PPRC1: variants seen among roughly 807,000 people sequenced by gnomAD.
PPRC1 encodes peroxisome proliferator-activated receptor gamma coactivator-related protein 1.
A neutral mutation model predicts 132.5 loss-of-function variants in PPRC1; 23 were observed. The ratio of observed to expected loss-of-function variants is 0.17; its 90% CI spans 0.12 to 0.25. The LOEUF is 0.25. Among genes scored for constraint, PPRC1 ranks in the 10% least tolerant of loss-of-function variants. The pLI, the probability that PPRC1 is intolerant of heterozygous loss-of-function variation, is 1.00. For synonymous variants in PPRC1, 872 were observed against 833.5 expected, an observed-to-expected ratio of 1.05 and a Z score of -0.80; for missense variants, 2,006 against 2,089.1, an observed-to-expected ratio of 0.96 and a Z score of 0.78.
the PPRC1 span, among the ~76,000 whole-genome samples, chr10:102,124,661 G>C: frequency 2.1e-5 from 1 of 47,324 alleles, no homozygotes; most frequent in Admixed American, 2.4e-4. Context: ...TTTTTTTTTT[G>C]AGACAGAATC....
Position 102,150,137 on chromosome 10 carries a change from T to C in PPRC1, c.*108T>C. 1 of 735,372 alleles carries C rather than the reference T, an allele frequency of 1.4e-6. No individual in the cohort carries two copies. The highest frequency in any genetic ancestry group is 2.6e-5 in the Admixed American group (1 of 37,990). The allele number at this position is 735,372 out of a possible 1,614,324, so 45.6% of individuals were successfully genotyped here. ...AGCTGCTAGTGAGATGACTGTTTTA[T>C]AAAGAAATGGAAAAAAGTGAAATAA... On this transcript the variant is annotated 3_prime_UTR_variant, in exon 14 of 14. Coordinates refer to ENST00000278070, the MANE Select transcript of PPRC1 (RefSeq NM_015062.5).
chr10:102,140,660 C>T lies in PPRC1; in HGVS notation c.2152C>T (p.Pro718Ser), dbSNP rs1462908393. The part of the protein sequence containing the change: ...QLLVESESLD[P>S]PKTIIPEVKE... ...CCTCGTGGAGTCAGAGTCCTTGGAC[C>T]CACCAAAGACCATCATCCCTGAAGT... Residue 718 changes from proline to serine, a missense_variant, in exon 5 of 14, where the codon CCA becomes TCA. This residue lies in a region of PPRC1 where 1,914 missense variants were observed against 1,917.2 expected (regional missense o/e 1.00). Coordinates refer to ENST00000278070, the MANE Select transcript of PPRC1 (RefSeq NM_015062.5). 4 of 1,614,062 alleles carry T rather than the reference C, an allele frequency of 2.5e-6. No individual in the cohort carries two copies. The highest frequency in any genetic ancestry group is 3.4e-6 in the Non-Finnish European group (4 of 1,180,038).
At chr10:102,144,480 T>C (rs1590349183) in intron 7 of PPRC1, 173 bp downstream of exon 7, 1 of 649,414 alleles carries the variant, frequency 1.5e-6, no homozygotes. Context: ...GTGTCTTGGG[T>C]GGTGAGGTGA....
intron 1 of PPRC1, among the ~76,000 whole-genome samples, chr10:102,133,725 C>G (rs766342700): frequency 2.0e-5 from 3 of 151,728 alleles, no homozygotes; most frequent in African/African-American, 2.4e-5. Flanking sequence ...ACGTGGCTCC[C>G]GTCCCAGGCT....
rs778970799 is a variant in PPRC1 at position 102,139,442 on chromosome 10, A to G, written c.934A>G (p.Met312Val). Residue 312 changes from methionine (M) to valine (V), a missense_variant, in exon 5 of 14, where the codon ATG becomes GTG. Met to Val is a conservative substitution (Grantham distance 21). Transcript: ENST00000278070. ...CTCCCTGAGTGAGCTGGTGCGGGCC[A>G]TGCACCCATACTGCCTGCCCAACCT... ...ISSLSELVRA[M>V]HPYCLPNLTH... 4 of 1,614,120 alleles carry G rather than the reference A, an allele frequency of 2.5e-6. No individual in the cohort carries two copies. Among genetic ancestry groups the G allele is most frequent in the Non-Finnish European group, 3.4e-6 (4 of 1,179,986 alleles).
Position 102,150,097 on chromosome 10 carries a change from T to C in PPRC1, c.*68T>C. On this transcript the variant is annotated 3_prime_UTR_variant, in exon 14 of 14. Coordinates refer to ENST00000278070, the MANE Select transcript of PPRC1 (RefSeq NM_015062.5). The stretch of plus-strand genomic sequence containing the variant: ...CCCAACCTCCTCCACCCCCTTCCCC[T>C]ACTCTAGGGGAGAGAGCTGCTAGTG... The C allele has an allele frequency of 8.4e-7, 1 of 1,187,192 alleles. No individual in the cohort carries two copies. The highest frequency in any genetic ancestry group is 1.3e-6 in the Non-Finnish European group (1 of 794,000). The allele number at this position is 1,187,192 out of a possible 1,614,324, so 73.5% of individuals were successfully genotyped here.
At position 102,148,984 on chromosome 10, in the gene PPRC1, T is replaced by A. The variant is rs1318767495; in HGVS notation, c.4739+46T>A. The A allele has an allele frequency of 6.2e-7, 1 of 1,606,122 alleles. No homozygotes were observed. Among genetic ancestry groups the A allele is most frequent in the Non-Finnish European group, 8.5e-7 (1 of 1,176,432 alleles). On this transcript the variant is annotated intron_variant, in intron 12 of 13. Coordinates refer to ENST00000278070, the MANE Select transcript of PPRC1 (RefSeq NM_015062.5). The surrounding 1 kb of genome is among the most constrained non-coding windows in gnomAD (Gnocchi z 4.2). ...CAGGATGTTCTTTCTATCCCATTCA[T>A]CTACCTTGGTGTTTCTTTGTCTTGC...
upstream of PPRC1, among the ~76,000 whole-genome samples, chr10:102,132,296 AAATG>A (rs1184884797): frequency 6.6e-6 from 1 of 152,262 alleles, no homozygotes; most frequent in Non-Finnish European, 1.5e-5. Context: ...TTTAAGTGGC[AAATG>A]AATGAAGAGT....
rs745457665 is a variant in PPRC1, at chr10:102,147,090, A to C, written c.4098A>C (p.Ser1366=). The change falls in exon 9 of 14, where the codon TCA becomes TCC. Residue 1366 remains serine (S), a synonymous_variant. Transcript: ENST00000278070. The part of the protein sequence containing the change: ...HRTSSEQADP[S]APCLAPSSLL... ...CTAGCAGTGAGCAGGCAGATCCCTC[A>C]GCACCCTGCCTTGCCCCATCCAGCT... The C allele has an allele frequency of 3.7e-6, 6 of 1,614,048 alleles. No individual in the cohort carries two copies. Among genetic ancestry groups the C allele is most frequent in the Non-Finnish European group, 5.1e-6 (6 of 1,180,030 alleles).
At position 102,148,380 on chromosome 10, in the gene PPRC1, G is replaced by A. The variant is rs924634923; in HGVS notation, c.4409G>A (p.Cys1470Tyr). The A allele has an allele frequency of 1.9e-6, 3 of 1,613,064 alleles. No homozygotes were observed. The highest frequency in any genetic ancestry group is 2.5e-6 in the Non-Finnish European group (3 of 1,179,946). Residue 1470 changes from cysteine to tyrosine, a missense_variant, in exon 10 of 14, where the codon TGT (cysteine) becomes TAT (tyrosine). Transcript: ENST00000278070. The surrounding 1 kb of genome is among the most constrained non-coding windows in gnomAD (Gnocchi z 4.2). The part of the protein sequence containing the change: ...PPHKRWRRSS[C>Y]SSSGRSRRCS... Reference sequence around the variant, plus strand: ...GCCCTCTTATCCTTCAGGTCCAGCTGTAGTTCCTCTGGACGTTCTCGAAGA... The same window carrying A: ...GCCCTCTTATCCTTCAGGTCCAGCTATAGTTCCTCTGGACGTTCTCGAAGA...
Position 102,148,559 on chromosome 10 carries a change from G to A in PPRC1, c.4550+38G>A. On this transcript the variant is annotated intron_variant, in intron 10 of 13. Transcript: ENST00000278070. This position sits in a 1 kb window ranked among gnomAD's most constrained non-coding sequence, Gnocchi z 4.2. The stretch of plus-strand genomic sequence containing the variant: ...TCAGGGAGCGCCATGCACCTGGGAT[G>A]CAGGTGCCTAAGAGTTGAGTCTTGA... The A allele has an allele frequency of 1.2e-6, 2 of 1,610,470 alleles. No homozygotes were observed. Among genetic ancestry groups the A allele is most frequent in the South Asian group, 1.1e-5 (1 of 91,016 alleles).
At chr10:102,121,471 C>T in the PPRC1 span, among the ~76,000 whole-genome samples, 1 of 152,102 alleles carries the variant, frequency 6.6e-6, no homozygotes, top group African/African-American at 2.4e-5. Flanking sequence ...ACACTCCTTC[C>T]CCTGGGAGGA....
In PPRC1 at chr10:102,148,233, G is replaced by A. The variant is rs1403962795; in HGVS notation, c.4401-139G>A. The A allele has an allele frequency of 1.1e-6, 1 of 944,500 alleles. No individual in the cohort carries two copies. Among genetic ancestry groups the A allele is most frequent in the Admixed American group, 2.4e-5 (1 of 41,378 alleles). 58.5% of individuals were successfully genotyped at this position (944,500 alleles called of 1,614,324 possible). A position where few individuals can be genotyped will look rare whatever the true frequency, so the allele number is the denominator to read the frequency against. ...GTTTGTTCATCTCTGAATGAAAATT[G>A]TTCTTCTAGACCTCTTCTACTCTGC... On this transcript the variant is annotated intron_variant, in intron 9 of 13. Transcript: ENST00000278070. The surrounding 1 kb of genome is among the most constrained non-coding windows in gnomAD (Gnocchi z 4.2).
chr10:102,144,436 C>T (rs894213745), intron 7 of PPRC1, 129 bp downstream of exon 7: 9 of 863,410 alleles, frequency 1.0e-5, no homozygotes, highest in Non-Finnish European at 1.6e-5. Flanking sequence ...TTCCCTGTTT[C>T]CCCACCCCTT....
chr10:102,126,727 A>G, the PPRC1 span, among the ~76,000 whole-genome samples: 3 of 151,996 alleles, frequency 2.0e-5, no homozygotes, highest in Non-Finnish European at 4.4e-5. Flanking sequence ...CCAAAATGCT[A>G]GGATTACAGG....
At chr10:102,144,538 A>T (rs181727559) in intron 7 of PPRC1, 39 of 577,394 alleles carry the variant, frequency 6.8e-5, no homozygotes, top group East Asian at 4.7e-4. Context: ...TCGGGCTCCA[A>T]ATGTCCTAGA....
chr10:102,124,943 C>T, the PPRC1 span, among the ~76,000 whole-genome samples: 1 of 151,970 alleles, frequency 6.6e-6, no homozygotes, highest in Non-Finnish European at 1.5e-5. Context: ...ACTGCCTGAC[C>T]CTGGCCCTTG....
chr10:102,126,397 T>C, the PPRC1 span, among the ~76,000 whole-genome samples: 2 of 151,484 alleles, frequency 1.3e-5, no homozygotes, highest in Non-Finnish European at 2.9e-5. Context: ...ATATATGTCT[T>C]ATGGACGGCC....
intron 9 of PPRC1, 151 bp downstream of exon 9, chr10:102,147,543 G>A: frequency 8.5e-7 from 1 of 1,180,926 alleles, no homozygotes; most frequent in South Asian, 1.6e-5. Flanking sequence ...CCCTTTTCCT[G>A]GATTGTTGAA....
Sources: gnomAD v4.1 joint callset for allele counts (sites outside exome capture counted in the v4.1 genomes callset) on GRCh38, gnomAD v4.1.1 for gene constraint, gnomAD v4.1.1 regional missense constraint, Gnocchi (gnomAD v3.1) non-coding constraint, MANE v1.5 for transcripts, NCBI Gene and HGNC (gene_info 2026-07-23, HGNC 2026-07-21) for gene names.